Variants in PRKG1 observed in about 807,000 individuals in gnomAD.
The protein encoded by PRKG1 is protein kinase cGMP-dependent 1, also known as cGMP-dependent protein kinase 1.
In PRKG1, 35 loss-of-function variants were observed where a neutral mutation model predicts 88.1. The ratio of observed to expected loss-of-function variants is 0.40; its 90% CI spans 0.30 to 0.53. The LOEUF is 0.53. Ranked by LOEUF, PRKG1 falls within the 20% of genes least tolerant of loss-of-function variation. The probability of loss-of-function intolerance (pLI) is 0.59; values close to 1 mark genes in which losing one functional copy is unlikely to be tolerated. For synonymous variants in PRKG1, 303 were observed against 292.5 expected (o/e 1.04, Z -0.37); for missense variants, 540 against 839.8 (o/e 0.64, Z 4.41).
intron 2 of PRKG1, among the ~76,000 whole-genome samples, chr10:51,202,942 T>C (rs1429195544): frequency 6.6e-6 from 1 of 152,136 alleles, no homozygotes; most frequent in East Asian, 1.9e-4. Flanking sequence ...CTATATAGAA[T>C]AAATATTAGT....
chr10:51,800,722 G>A (rs1183772844), intron 3 of PRKG1, among the ~76,000 whole-genome samples: 6 of 152,044 alleles, frequency 3.9e-5, no homozygotes, highest in Non-Finnish European at 8.8e-5. Flanking sequence ...TACCAGAGAG[G>A]CTGGCTTCTT....
intron 3 of PRKG1, among the ~76,000 whole-genome samples, chr10:51,548,592 G>C (rs184856272): frequency 6.6e-6 from 1 of 152,004 alleles, no homozygotes; most frequent in Non-Finnish European, 1.5e-5. Flanking sequence ...CAGTGTTTTC[G>C]TAACACTCTA....
At chr10:51,807,842 G>C (rs1839346562) in intron 4 of PRKG1, among the ~76,000 whole-genome samples, 1 of 152,116 alleles carries the variant, frequency 6.6e-6, no homozygotes, top group Non-Finnish European at 1.5e-5. Flanking sequence ...GACTTGCTTT[G>C]GGGAAAAGGA....
chr10:52,152,229 C>G (rs900707267), intron 8 of PRKG1, among the ~76,000 whole-genome samples: 1 of 152,088 alleles, frequency 6.6e-6, no homozygotes, highest in Non-Finnish European at 1.5e-5. Flanking sequence ...TTGAGCGAGT[C>G]CATCCAGCTA....
At chr10:51,314,393 C>A (rs983848937) in intron 2 of PRKG1, among the ~76,000 whole-genome samples, 3 of 152,276 alleles carry the variant, frequency 2.0e-5, no homozygotes, top group Non-Finnish European at 2.9e-5. Context: ...TAAATGGGAT[C>A]ATGCATGTGA....
intron 8 of PRKG1, among the ~76,000 whole-genome samples, chr10:52,137,163 A>G (rs977151312): frequency 6.6e-6 from 1 of 152,114 alleles, no homozygotes; most frequent in African/African-American, 2.4e-5. Context: ...CATGTTCCGT[A>G]AGCCAGTGAT....
intron 7 of PRKG1, among the ~76,000 whole-genome samples, chr10:52,104,522 T>G (rs1052846811): frequency 3.3e-5 from 5 of 151,944 alleles, no homozygotes; most frequent in African/African-American, 1.2e-4. Flanking sequence ...GTTATCACTG[T>G]GGAGGATAGA....
chr10:52,013,405 CG>C (rs1400798156), intron 5 of PRKG1, among the ~76,000 whole-genome samples: 4 of 139,214 alleles, frequency 2.9e-5, no homozygotes, highest in African/African-American at 1.1e-4. Flanking sequence ...GGTGACAGAG[CG>C]AGACTCCGTC....
rs1243219480 is a variant in PRKG1 at position 51,017,764 on chromosome 10, C to A, written c.266+26120C>A. ...GGTAAAACAAAAGAGTTGCAAAAGC[C>A]CCAATTGCTTATTTTAATATTAATT... is the stretch of plus-strand genomic sequence containing the variant. On this transcript the variant is annotated intron_variant, in intron 1 of 17. Transcript: ENST00000401604. Among the ~76,000 whole-genome samples, 7 of 151,582 alleles carry A rather than the reference C, an allele frequency of 4.6e-5. No individual in the cohort carries two copies. The East Asian group carries it at 1.4e-3, about 29-fold the overall frequency.
intron 3 of PRKG1, among the ~76,000 whole-genome samples, chr10:51,681,814 C>T (rs1212314027): frequency 6.6e-6 from 1 of 152,014 alleles, no homozygotes; most frequent in Non-Finnish European, 1.5e-5. Context: ...TGCATTTATT[C>T]TGAAATGTTT....
intron 5 of PRKG1, among the ~76,000 whole-genome samples, chr10:51,930,966 C>T (rs180870978): frequency 4.9e-4 from 75 of 152,234 alleles, no homozygotes; most frequent in African/African-American, 1.6e-3. Flanking sequence ...TGACAGTATA[C>T]TGGAAGTGCT....
chr10:51,349,454 T>TTGTGTGTGTG (rs34302728), intron 2 of PRKG1, among the ~76,000 whole-genome samples: 1 of 97,358 alleles, frequency 1.0e-5, no homozygotes, highest in African/African-American at 3.8e-5. Flanking sequence ...TTCATATTGT[T>TTGTGTGTGTG]TGTGTGTGTG....
chr10:51,020,275 T>C (rs1258502956), intron 1 of PRKG1, among the ~76,000 whole-genome samples: 3 of 152,182 alleles, frequency 2.0e-5, no homozygotes, highest in East Asian at 1.9e-4. Flanking sequence ...ATTACAGGCA[T>C]GTTGAGATTA....
intron 2 of PRKG1, among the ~76,000 whole-genome samples, chr10:51,444,275 C>T (rs1839206868): frequency 1.3e-5 from 2 of 151,408 alleles, no homozygotes; most frequent in African/African-American, 2.4e-5. Flanking sequence ...GAGAATTGCA[C>T]CTCATCATTT....
chr10:51,643,722 A>T lies in PRKG1; in HGVS notation c.593-160863A>T, dbSNP rs185576482. Among the ~76,000 whole-genome samples the T allele has an allele frequency of 4.3e-3, 652 of 152,340 alleles. 16 individuals carry two copies. The highest frequency in any genetic ancestry group is 0.04 in the Admixed American group (608 of 15,294). ...ATGCAACTGTTTCTTAAAAATCTCC[A>T]AAGATTTTAGTGTTGAAATAGTTCT... On this transcript the variant is annotated intron_variant, in intron 3 of 17. Coordinates refer to ENST00000373980, the MANE Select transcript of PRKG1 (RefSeq NM_006258.4).
intron 10 of PRKG1, among the ~76,000 whole-genome samples, chr10:52,256,480 CCTTG>C (rs1028136283): frequency 7.2e-6 from 1 of 139,122 alleles, no homozygotes; most frequent in African/African-American, 2.5e-5. Context: ...ACTTTCTGAG[CCTTG>C]CTTTTCTTGT....
At chr10:52,270,484 T>A (rs1841692860) in intron 10 of PRKG1, among the ~76,000 whole-genome samples, 1 of 151,980 alleles carries the variant, frequency 6.6e-6, no homozygotes, top group South Asian at 2.1e-4. Context: ...TGTCCAACAA[T>A]GATAGACTGG....
chr10:51,006,929 G>A (rs994483012), intron 1 of PRKG1, among the ~76,000 whole-genome samples: 18 of 138,118 alleles, frequency 1.3e-4, no homozygotes, highest in African/African-American at 4.7e-4. Flanking sequence ...CTGGGGAAGG[G>A]CCTGAGATTT....
At chr10:52,260,256 A>G (rs75387746) in intron 10 of PRKG1, among the ~76,000 whole-genome samples, 5 of 152,164 alleles carry the variant, frequency 3.3e-5, no homozygotes, top group Non-Finnish European at 5.9e-5. Context: ...TCAGAAGGAC[A>G]AAGTTTGAGG....
Sources: gnomAD v4.1 joint callset for allele counts (sites outside exome capture counted in the v4.1 genomes callset) on GRCh38, gnomAD v4.1.1 for gene constraint, MANE v1.5 for transcripts, NCBI Gene and HGNC (gene_info 2026-07-23, HGNC 2026-07-21) for gene names.